Variants in CTNNA2 observed in about 807,000 individuals in gnomAD.
The protein encoded by CTNNA2 is catenin alpha 2.
In CTNNA2, 42 loss-of-function variants were observed where a neutral mutation model predicts 101.0. That is an observed-to-expected ratio of 0.42 (90% CI 0.32 to 0.54). CTNNA2 has a LOEUF of 0.54. Among genes scored for constraint, CTNNA2 ranks in the 20% least tolerant of loss-of-function variants. The probability of loss-of-function intolerance (pLI) is 0.14; values close to 1 mark genes in which losing one functional copy is unlikely to be tolerated. For missense variants in CTNNA2, 871 were observed against 1,223.1 expected (o/e 0.71, Z 4.29); for synonymous variants, 450 against 456.4 (o/e 0.99, Z 0.18).
intron 4 of CTNNA2, among the ~76,000 whole-genome samples, chr2:79,391,866 A>C (rs769656859): frequency 2.6e-5 from 4 of 152,120 alleles, no homozygotes; most frequent in Non-Finnish European, 5.9e-5. Context: ...TCCTAGATCA[A>C]GGTGTCCAAA....
intron 9 of CTNNA2, among the ~76,000 whole-genome samples, chr2:80,510,711 C>A (rs1305600690): frequency 6.6e-6 from 1 of 152,128 alleles, no homozygotes; most frequent in East Asian, 1.9e-4. Context: ...GGCAAGAAAC[C>A]TGAAAAGGTA....
chr2:79,534,377 G>C (rs1672926818), intron 1 of CTNNA2, among the ~76,000 whole-genome samples: 1 of 151,942 alleles, frequency 6.6e-6, no homozygotes, highest in Non-Finnish European at 1.5e-5. Flanking sequence ...CGAGTTGAAG[G>C]CTCTAGTGAT....
chr2:79,590,674 A>C (rs2103978705), intron 1 of CTNNA2, among the ~76,000 whole-genome samples: 1 of 152,272 alleles, frequency 6.6e-6, no homozygotes, highest in South Asian at 2.1e-4. Context: ...TGGCTGACAA[A>C]GTCCTGTTTA....
intron 7 of CTNNA2, among the ~76,000 whole-genome samples, chr2:80,180,188 A>G (rs534669804): frequency 2.7e-4 from 41 of 152,236 alleles, no homozygotes; most frequent in African/African-American, 9.4e-4. Flanking sequence ...TAAATTATCA[A>G]TAGTATAGTG....
chr2:79,877,326 T>G (rs1468390477), intron 6 of CTNNA2, among the ~76,000 whole-genome samples: 1 of 152,170 alleles, frequency 6.6e-6, no homozygotes, highest in Non-Finnish European at 1.5e-5. Context: ...TTCAGCACTT[T>G]CTCAAAAGTA....
intron 9 of CTNNA2, among the ~76,000 whole-genome samples, chr2:80,535,248 C>T (rs1453343159): frequency 2.0e-5 from 3 of 152,156 alleles, no homozygotes; most frequent in Non-Finnish European, 4.4e-5. Flanking sequence ...ATAAGCTCAT[C>T]TAGGGCATAA....
chr2:80,078,124 C>A (rs974384241), intron 7 of CTNNA2, among the ~76,000 whole-genome samples: 2 of 152,012 alleles, frequency 1.3e-5, no homozygotes, highest in Non-Finnish European at 2.9e-5. Flanking sequence ...ATTTTTTCAA[C>A]CATTTATTAA....
rs192051069 is a variant in CTNNA2 at position 79,213,920 on chromosome 2, G to A, written c.-406+15844G>A. On this transcript the variant is annotated intron_variant, in intron 2 of 21. Transcript: ENST00000466387. ...GGGCCTCTAAAAGTATTAAAGCAGC[G>A]GCAGCCGCTGCACGCAGACATGAGG... Among the ~76,000 whole-genome samples the A allele has an allele frequency of 6.4e-3, 982 of 152,258 alleles. 5 individuals carry two copies. Among genetic ancestry groups the A allele is most frequent in the African/African-American group, 0.022 (927 of 41,540 alleles).
At chr2:80,312,729 T>C (rs1677711110) in intron 7 of CTNNA2, among the ~76,000 whole-genome samples, 1 of 152,248 alleles carries the variant, frequency 6.6e-6, no homozygotes, top group Non-Finnish European at 1.5e-5. Flanking sequence ...CACTTAATTA[T>C]CTTGTTTTAT....
At chr2:80,342,967 G>A (rs963028084) in intron 7 of CTNNA2, among the ~76,000 whole-genome samples, 5 of 152,296 alleles carry the variant, frequency 3.3e-5, no homozygotes, top group Admixed American at 3.3e-4. Flanking sequence ...CTCAAATGTT[G>A]TTTGACTTGT....
chr2:79,854,736 G>T (rs1226801254), intron 3 of CTNNA2, among the ~76,000 whole-genome samples: 1 of 152,182 alleles, frequency 6.6e-6, no homozygotes, highest in Non-Finnish European at 1.5e-5. Flanking sequence ...CCGTGGAAAT[G>T]TTGCTCTGAG....
chr2:80,524,293 C>T (rs1230151801), intron 9 of CTNNA2, among the ~76,000 whole-genome samples: 1 of 152,118 alleles, frequency 6.6e-6, no homozygotes, highest in Non-Finnish European at 1.5e-5. Context: ...CTTGTATATC[C>T]TCCTCCACAT....
chr2:79,633,491 G>T (rs1440268238), intron 1 of CTNNA2, among the ~76,000 whole-genome samples: 1 of 152,192 alleles, frequency 6.6e-6, no homozygotes, highest in East Asian at 1.9e-4. Flanking sequence ...AGCCTGGAGA[G>T]ACAGATTCAG....
intron 7 of CTNNA2, among the ~76,000 whole-genome samples, chr2:80,344,897 C>T (rs1672592371): frequency 6.6e-6 from 1 of 152,154 alleles, no homozygotes; most frequent in Admixed American, 6.5e-5. Context: ...CCTTCATCCT[C>T]TCATATTCCA....
intron 4 of CTNNA2, among the ~76,000 whole-genome samples, chr2:79,489,132 A>G (rs1671185770): frequency 6.6e-6 from 1 of 151,944 alleles, no homozygotes; most frequent in Non-Finnish European, 1.5e-5. Context: ...GTTCTCTTAA[A>G]CATAATCATG....
intron 8 of CTNNA2, among the ~76,000 whole-genome samples, chr2:80,399,669 T>C (rs1363663928): frequency 1.3e-5 from 2 of 152,202 alleles, no homozygotes; most frequent in Non-Finnish European, 2.9e-5. Context: ...TAAATAGCAA[T>C]GACTGAGCCC....
chr2:80,194,261 A>G (rs1191796792), intron 7 of CTNNA2, among the ~76,000 whole-genome samples: 1 of 152,156 alleles, frequency 6.6e-6, no homozygotes, highest in Non-Finnish European at 1.5e-5. Flanking sequence ...ATCAGGAAAT[A>G]CTCCCTGCAC....
intron 7 of CTNNA2, among the ~76,000 whole-genome samples, chr2:80,215,737 C>T (rs925174173): frequency 2.0e-5 from 3 of 152,170 alleles, no homozygotes; most frequent in Non-Finnish European, 2.9e-5. Context: ...GCAGTCTGTC[C>T]GTTCTCAGAT....
chr2:79,658,920 T>G (rs968034472), intron 2 of CTNNA2, among the ~76,000 whole-genome samples: 2 of 152,100 alleles, frequency 1.3e-5, no homozygotes, highest in African/African-American at 2.4e-5. Context: ...ACTCCAAAAT[T>G]TAATAATTAT....
Sources: allele counts gnomAD v4.1 joint callset (sites outside exome capture counted in the v4.1 genomes callset), GRCh38; gene constraint gnomAD v4.1.1; transcripts MANE v1.5; gene names NCBI Gene and HGNC (gene_info 2026-07-23, HGNC 2026-07-21).